Variants in CNGB3 observed in about 807,000 individuals in gnomAD.
CNGB3 encodes cyclic nucleotide-gated channel beta-3.
A neutral mutation model predicts 92.8 loss-of-function variants in CNGB3; 86 were observed. The ratio of observed to expected loss-of-function variants is 0.93; its 90% CI spans 0.78 to 1.11. The LOEUF is 1.11. Among genes scored for constraint, CNGB3 ranks in the 50% least tolerant of loss-of-function variants. The pLI, the probability that CNGB3 is intolerant of heterozygous loss-of-function variation, is 0.00. For missense variants in CNGB3, 1,026 were observed against 956.8 expected (o/e 1.07, Z -0.95); for synonymous variants, 333 against 332.7 (o/e 1.00, Z -0.01).
intron 6 of CNGB3, 67 bp downstream of exon 6, chr8:86,666,858 T>C: frequency 8.0e-7 from 1 of 1,251,948 alleles, no homozygotes; most frequent in Non-Finnish European, 1.2e-6. Flanking sequence ...AACAATGCTG[T>C]TACTTTTTGT....
chr8:86,635,244 C>A (rs1457111173), intron 10 of CNGB3, among the ~76,000 whole-genome samples: 1 of 151,890 alleles, frequency 6.6e-6, no homozygotes, highest in Non-Finnish European at 1.5e-5. Context: ...CGGTTTTGGA[C>A]CTGTGGGTCT....
intron 6 of CNGB3, chr8:86,660,002 G>A (rs563405003): frequency 1.1e-5 from 4 of 348,756 alleles, no homozygotes; most frequent in South Asian, 1.0e-4. Context: ...ACCAATGTCA[G>A]CATCATGATT....
chr8:86,725,168 A>T (rs1276118618), intron 3 of CNGB3, among the ~76,000 whole-genome samples: 2 of 152,170 alleles, frequency 1.3e-5, no homozygotes, highest in Non-Finnish European at 2.9e-5. Flanking sequence ...TAAAAAATAA[A>T]CATATTAAAA....
At chr8:86,722,471 A>G (rs1824989383) in intron 3 of CNGB3, among the ~76,000 whole-genome samples, 1 of 152,104 alleles carries the variant, frequency 6.6e-6, no homozygotes, top group Admixed American at 6.5e-5. Context: ...TACAGTTTCA[A>G]TTCCTTTATG....
intron 6 of CNGB3, chr8:86,657,879 G>A: frequency 3.7e-6 from 2 of 541,248 alleles, no homozygotes; most frequent in South Asian, 1.4e-5. Context: ...TCCTGCGGGA[G>A]GACAGGGTTC....
At chr8:86,663,031 G>A in intron 6 of CNGB3, among the ~76,000 whole-genome samples, 1 of 151,758 alleles carries the variant, frequency 6.6e-6, no homozygotes, top group East Asian at 1.9e-4. Flanking sequence ...CAGACTGTTG[G>A]TTTCTACTAC....
chr8:86,694,046 CCCGGACGGGGCGG>C (rs2131640685), intron 3 of CNGB3, among the ~76,000 whole-genome samples: 2 of 142,300 alleles, frequency 1.4e-5, no homozygotes, highest in South Asian at 2.3e-4. Context: ...CCCCTCACCT[CCCGGACGGGGCGG>C]CTGGCCGGGC....
chr8:86,655,231 T>C (rs896737917), intron 6 of CNGB3, among the ~76,000 whole-genome samples: 1 of 152,204 alleles, frequency 6.6e-6, no homozygotes, highest in Non-Finnish European at 1.5e-5. Context: ...TTTAGTCTTG[T>C]TCCCCTTGAT....
At chr8:86,660,991 C>T (rs564358891) in intron 6 of CNGB3, among the ~76,000 whole-genome samples, 1 of 152,270 alleles carries the variant, frequency 6.6e-6, no homozygotes, top group Admixed American at 6.5e-5. Flanking sequence ...GCATTTCAGC[C>T]ATTTACCTCT....
chr8:86,596,499 T>C (rs1225441172), intron 15 of CNGB3, among the ~76,000 whole-genome samples: 1 of 152,190 alleles, frequency 6.6e-6, no homozygotes, highest in Non-Finnish European at 1.5e-5. Flanking sequence ...AATATGCATA[T>C]TCACGACAAA....
Position 86,671,905 on chromosome 8 carries a change from G to A in CNGB3, c.339-807C>T, listed in dbSNP as rs181321817. On this transcript the variant is annotated intron_variant, in intron 3 of 17. Transcript: ENST00000320005. ...TTGTGAGACCTGAAGCCAAGAACCC[G>A]GTTGAGCCCACTCAGACTTCTGATT... Among the ~76,000 whole-genome samples, 124 of 152,260 alleles carry A rather than the reference G, an allele frequency of 8.1e-4. No individual in the cohort carries two copies. The East Asian group carries it at 0.017, about 21-fold the overall frequency.
At chr8:86,582,344 A>G (rs1821804166) in intron 15 of CNGB3, among the ~76,000 whole-genome samples, 1 of 151,862 alleles carries the variant, frequency 6.6e-6, no homozygotes, top group Non-Finnish European at 1.5e-5. Flanking sequence ...CGGTGAGCCA[A>G]GATTGCACCA....
At chr8:86,579,314 TA>T in intron 15 of CNGB3, 62 bp from the exon 16 acceptor site, 3 of 1,576,454 alleles carry the variant, frequency 1.9e-6, no homozygotes, top group East Asian at 2.2e-5. Context: ...GAAATCTCTT[TA>T]AAAAAATAGC....
intron 3 of CNGB3, among the ~76,000 whole-genome samples, chr8:86,681,080 C>T (rs942820932): frequency 2.0e-5 from 3 of 152,062 alleles, no homozygotes; most frequent in African/African-American, 4.8e-5. Flanking sequence ...AATTACCAAG[C>T]GATTGCACAA....
intron 15 of CNGB3, among the ~76,000 whole-genome samples, chr8:86,592,226 C>G (rs1000289014): frequency 6.6e-6 from 1 of 152,222 alleles, no homozygotes. Flanking sequence ...ACCCACTGAC[C>G]TGTGCCCACT....
intron 3 of CNGB3, among the ~76,000 whole-genome samples, chr8:86,707,004 A>G (rs1208378931): frequency 6.6e-6 from 1 of 152,212 alleles, no homozygotes; most frequent in Non-Finnish European, 1.5e-5. Context: ...AAATAAATGT[A>G]TTCATGGAAG....
chr8:86,715,884 G>C (rs1168062185), intron 3 of CNGB3, among the ~76,000 whole-genome samples: 1 of 150,318 alleles, frequency 6.7e-6, no homozygotes, highest in African/African-American at 2.4e-5. Flanking sequence ...TAAATGACAA[G>C]TTAATGGGTG....
chr8:86,682,427 A>C (rs1824098831), intron 3 of CNGB3, among the ~76,000 whole-genome samples: 1 of 152,192 alleles, frequency 6.6e-6, no homozygotes, highest in East Asian at 1.9e-4. Context: ...GCTATGAGTA[A>C]ATTGGGAATG....
At chr8:86,651,918 G>A (rs1823410710) in intron 7 of CNGB3, among the ~76,000 whole-genome samples, 1 of 151,928 alleles carries the variant, frequency 6.6e-6, no homozygotes, top group African/African-American at 2.4e-5. Context: ...TCTGAGAAAT[G>A]CATTGTTAGG....
Sources: allele counts gnomAD v4.1 joint callset (sites outside exome capture counted in the v4.1 genomes callset), GRCh38; gene constraint gnomAD v4.1.1; transcripts MANE v1.5; gene names NCBI Gene and HGNC (gene_info 2026-07-23, HGNC 2026-07-21).